Variants in MGAT4C observed in about 807,000 individuals in gnomAD.
MGAT4C encodes the protein MGAT4 family member C.
MGAT4C carries 19 observed loss-of-function variants against 40.1 expected under a neutral mutation model. The ratio of observed to expected loss-of-function variants is 0.47; its 90% CI spans 0.33 to 0.70. MGAT4C has a LOEUF of 0.70. Among genes scored for constraint, MGAT4C ranks in the 30% least tolerant of loss-of-function variants. The probability of loss-of-function intolerance (pLI) is 0.02; values close to 1 mark genes in which losing one functional copy is unlikely to be tolerated. For missense variants in MGAT4C, 491 were observed against 563.2 expected, an observed-to-expected ratio of 0.87 and a Z score of 1.30; for synonymous variants, 181 against 187.1, an observed-to-expected ratio of 0.97 and a Z score of 0.27.
intron 2 of MGAT4C, among the ~76,000 whole-genome samples, chr12:86,541,337 C>G (rs929221267): frequency 3.9e-5 from 6 of 152,050 alleles, no homozygotes; most frequent in Non-Finnish European, 8.8e-5. Context: ...AACCAGAAGT[C>G]AGAGCAACAT....
chr12:86,446,309 A>T (rs1343309855), intron 2 of MGAT4C, among the ~76,000 whole-genome samples: 1 of 151,982 alleles, frequency 6.6e-6, no homozygotes, highest in Admixed American at 6.6e-5. Flanking sequence ...TTGAATAATT[A>T]CTCATCCCAG....
rs896955347 is a variant in MGAT4C, at chr12:85,976,472, A to G, written c.*2817T>C. On this transcript the variant is annotated 3_prime_UTR_variant, in exon 5 of 5. Transcript: ENST00000611864. Reference sequence around the variant, plus strand: ...AAAGGCTCCCCTAAGGAGAATTTTAAGACTAAGTAAGGTTTTTAGTGAGCT... The same window carrying G: ...AAAGGCTCCCCTAAGGAGAATTTTAGGACTAAGTAAGGTTTTTAGTGAGCT... The G allele has an allele frequency of 3.3e-5, 5 of 150,760 alleles. No individual in the cohort carries two copies. In the South Asian group the frequency reaches 1.0e-3, roughly 31 times the overall value. 9.3% of individuals were successfully genotyped at this position (150,760 alleles called of 1,614,324 possible).
At chr12:86,534,545 A>T (rs544322137) in intron 2 of MGAT4C, among the ~76,000 whole-genome samples, 2 of 152,232 alleles carry the variant, frequency 1.3e-5, no homozygotes, top group South Asian at 4.1e-4. Flanking sequence ...ATCTCTTTAA[A>T]TATTTTACAA....
In MGAT4C at chr12:86,117,608, C is replaced by T. The variant is rs1223862075; in HGVS notation, c.-56-67885G>A. 2.0e-5 allele frequency among the ~76,000 whole-genome samples: 3 copies of T among 152,096 alleles called. No individual in the cohort carries two copies. The East Asian group carries it at 5.8e-4, about 29-fold the overall frequency. ...GAACCATCATCACTCTACCAAATTTCTCAAGGGCATAAATAAAACTCCTTT... is the reference window on the plus strand; with the variant it reads ...GAACCATCATCACTCTACCAAATTTTTCAAGGGCATAAATAAAACTCCTTT... On this transcript the variant is annotated intron_variant, in intron 1 of 4. Transcript: ENST00000611864.
intron 1 of MGAT4C, among the ~76,000 whole-genome samples, chr12:86,236,520 G>A (rs1428709316): frequency 6.6e-6 from 1 of 151,984 alleles, no homozygotes; most frequent in Non-Finnish European, 1.5e-5. Flanking sequence ...AAAGGGAGAA[G>A]TATAAATGGA....
chr12:86,449,970 T>C (rs1054205152), intron 2 of MGAT4C, among the ~76,000 whole-genome samples: 1 of 152,194 alleles, frequency 6.6e-6, no homozygotes, highest in African/African-American at 2.4e-5. Flanking sequence ...ACATTAAGAA[T>C]GTGTTGGATA....
At chr12:86,336,030 C>A (rs150255623) in intron 3 of MGAT4C, among the ~76,000 whole-genome samples, 4 of 152,240 alleles carry the variant, frequency 2.6e-5, no homozygotes, top group African/African-American at 9.6e-5. Context: ...ATTCTTCTTA[C>A]CAACCCTTGC....
intron 2 of MGAT4C, among the ~76,000 whole-genome samples, chr12:86,673,165 C>T (rs1040363927): frequency 2.0e-5 from 3 of 152,022 alleles, no homozygotes; most frequent in African/African-American, 4.8e-5. Context: ...TTACGGGAAC[C>T]GTTCTATAGA....
chr12:86,153,526 C>A (rs752523588), intron 1 of MGAT4C, among the ~76,000 whole-genome samples: 17 of 152,086 alleles, frequency 1.1e-4, no homozygotes, highest in Non-Finnish European at 2.1e-4. Context: ...GCTGTGTGTT[C>A]CCACCCAAAT....
chr12:86,168,198 G>A (rs1461417622), intron 1 of MGAT4C, among the ~76,000 whole-genome samples: 1 of 152,058 alleles, frequency 6.6e-6, no homozygotes, highest in Non-Finnish European at 1.5e-5. Flanking sequence ...TGTATAAATT[G>A]TCTCTTTTCA....
intron 1 of MGAT4C, among the ~76,000 whole-genome samples, chr12:86,052,041 C>A (rs1309919078): frequency 3.3e-5 from 5 of 151,482 alleles, no homozygotes; most frequent in Non-Finnish European, 7.4e-5. Flanking sequence ...CAAGAAATTT[C>A]TAATATTCAA....
At chr12:86,279,826 G>A (rs1458598251) in intron 4 of MGAT4C, among the ~76,000 whole-genome samples, 1 of 151,704 alleles carries the variant, frequency 6.6e-6, no homozygotes, top group Non-Finnish European at 1.5e-5. Context: ...ATAGATTTTG[G>A]TAAGTTGTGT....
chr12:86,767,086 T>G (rs1839700664), intron 1 of MGAT4C, among the ~76,000 whole-genome samples: 1 of 152,080 alleles, frequency 6.6e-6, no homozygotes, highest in African/African-American at 2.4e-5. Flanking sequence ...AGAAGCTGGT[T>G]TTTTGAAAAG....
At chr12:86,363,703 T>C (rs1398434220) in intron 3 of MGAT4C, among the ~76,000 whole-genome samples, 4 of 151,966 alleles carry the variant, frequency 2.6e-5, no homozygotes, top group Non-Finnish European at 4.4e-5. Flanking sequence ...AATTTGATAA[T>C]ATTGAAAAAC....
At chr12:86,475,397 T>C (rs909425887) in intron 2 of MGAT4C, among the ~76,000 whole-genome samples, 6 of 152,000 alleles carry the variant, frequency 3.9e-5, no homozygotes, top group Non-Finnish European at 8.8e-5. Flanking sequence ...TTTAAAAGAT[T>C]GAAGTTTACA....
At chr12:86,259,146 A>T (rs578249226), upstream of MGAT4C, among the ~76,000 whole-genome samples, 1 of 152,136 alleles carries the variant, frequency 6.6e-6, no homozygotes, top group Admixed American at 6.5e-5. Flanking sequence ...GGGAGAAATC[A>T]TTAGAAAGTA....
chr12:86,808,796 G>T (rs1952413626), intron 1 of MGAT4C, among the ~76,000 whole-genome samples: 1 of 151,878 alleles, frequency 6.6e-6, no homozygotes, highest in Non-Finnish European at 1.5e-5. Flanking sequence ...GCAATAGAAA[G>T]AAATAAAAAT....
intron 1 of MGAT4C, among the ~76,000 whole-genome samples, chr12:86,081,424 G>A (rs894139138): frequency 6.6e-5 from 10 of 152,112 alleles, no homozygotes; most frequent in African/African-American, 2.2e-4. Context: ...ATCTCCTATA[G>A]ATGCTGTTTA....
At chr12:86,417,267 AT>A (rs1193009141) in intron 3 of MGAT4C, among the ~76,000 whole-genome samples, 1 of 152,096 alleles carries the variant, frequency 6.6e-6, no homozygotes, top group African/African-American at 2.4e-5. Context: ...TTAATGTTTT[AT>A]ATTAAATAAC....
Sources: gnomAD v4.1 joint callset for allele counts (sites outside exome capture counted in the v4.1 genomes callset) on GRCh38, gnomAD v4.1.1 for gene constraint, MANE v1.5 for transcripts, NCBI Gene and HGNC (gene_info 2026-07-23, HGNC 2026-07-21) for gene names.